The following ALPL variants were observed in gnomAD, a reference collection of about 807,000 sequenced individuals.
ALPL encodes the protein alkaline phosphatase, tissue-nonspecific isozyme.
Under a neutral mutation model 51.3 loss-of-function variants are expected in ALPL, and 42 were observed. The ratio of observed to expected loss-of-function variants is 0.82; its 90% CI spans 0.64 to 1.06. The LOEUF is 1.06. Ranked by LOEUF, ALPL falls within the 50% of genes least tolerant of loss-of-function variation. ALPL has a pLI of 0.00. For missense variants in ALPL, 589 were observed against 709.4 expected, an observed-to-expected ratio of 0.83 and a Z score of 1.93; for synonymous variants, 279 against 296.4, an observed-to-expected ratio of 0.94 and a Z score of 0.60.
chr1:21,568,004 C>A, intron 6 of ALPL, 100 bp from the exon 7 acceptor site: 2 of 1,541,344 alleles, frequency 1.3e-6, no homozygotes, highest in South Asian at 2.3e-5. Context: ...GTGTCCACAC[C>A]ATCTCCAGGG....
intron 2 of ALPL, among the ~76,000 whole-genome samples, chr1:21,555,888 A>G (rs533832795): frequency 6.6e-6 from 1 of 152,004 alleles, no homozygotes; most frequent in African/African-American, 2.4e-5. Context: ...CTCCTGCCTC[A>G]GCCTCCCAAG....
intron 1 of ALPL, among the ~76,000 whole-genome samples, chr1:21,514,457 A>G (rs1479401841): frequency 3.9e-5 from 6 of 152,176 alleles, no homozygotes. Context: ...CTCTGAACCC[A>G]CAGCTCTCTG....
chr1:21,576,043 G>A, intron 10 of ALPL, 119 bp downstream of exon 10: 1 of 1,257,892 alleles, frequency 7.9e-7, no homozygotes, highest in Non-Finnish European at 1.2e-6. Flanking sequence ...TGACAACTGG[G>A]TGGGGAGGAA....
chr1:21,534,577 C>CA (rs1234691292), intron 1 of ALPL, among the ~76,000 whole-genome samples: 1 of 152,152 alleles, frequency 6.6e-6, no homozygotes, highest in Admixed American at 6.5e-5. Context: ...GAGATAGGCC[C>CA]AGAGGGCAGC....
intron 4 of ALPL, among the ~76,000 whole-genome samples, chr1:21,562,405 A>G (rs936808569): frequency 2.0e-5 from 3 of 152,280 alleles, no homozygotes; most frequent in African/African-American, 7.2e-5. Context: ...GGCAGTGTGC[A>G]CTGCCGGGTA....
rs1003244723 is a variant in ALPL, at chr1:21,531,079, G to A, written c.-105+21562G>A. Among the ~76,000 whole-genome samples, 9 of 150,662 alleles carry A rather than the reference G, an allele frequency of 6.0e-5. No homozygotes were observed. The East Asian group carries it at 7.8e-4, about 13-fold the overall frequency. On this transcript the variant is annotated intron_variant, in intron 1 of 11. Transcript: ENST00000374840. ...AGCAATTCTCGTGCCTCAGCCTCCC[G>A]AGTAGCTGGGATTACAGGCACCCAC...
chr1:21,559,914 T>C (rs183436078), intron 2 of ALPL, among the ~76,000 whole-genome samples: 18 of 152,270 alleles, frequency 1.2e-4, no homozygotes, highest in Non-Finnish European at 1.5e-5. Flanking sequence ...GAAAGAAGTG[T>C]TCTTAGTTCT....
chr1:21,523,580 C>T (rs77344587), intron 1 of ALPL, among the ~76,000 whole-genome samples: 156 of 152,320 alleles, frequency 1.0e-3, no homozygotes, highest in African/African-American at 3.7e-3. Context: ...TCCCCTATGT[C>T]ACACCCTGAG....
chr1:21,554,673 G>A lies in ALPL; in HGVS notation c.61+531G>A, dbSNP rs540018639. On this transcript the variant is annotated intron_variant, in intron 2 of 11. Coordinates refer to ENST00000374840, the MANE Select transcript of ALPL (RefSeq NM_000478.6). ...GCCAGGCTAATTTTTTGTATTTTTA[G>A]TAGAGATGGGGTTTCACCGTGTTAG... Among the ~76,000 whole-genome samples the A allele has an allele frequency of 7.9e-5, 12 of 151,032 alleles. No individual in the cohort carries two copies. The South Asian group carries it at 2.5e-3, about 32-fold the overall frequency.
chr1:21,554,439 C>T (rs912792667), intron 2 of ALPL, among the ~76,000 whole-genome samples: 1 of 145,846 alleles, frequency 6.9e-6, no homozygotes. Flanking sequence ...ATATATATTT[C>T]ATATATATAT....
At chr1:21,561,666 C>CTTTTTTTTTTT (rs11296484) in intron 4 of ALPL, among the ~76,000 whole-genome samples, 1 of 112,412 alleles carries the variant, frequency 8.9e-6, no homozygotes, top group African/African-American at 3.4e-5. Flanking sequence ...CTATATATGC[C>CTTTTTTTTTTT]TTTTTTTTTT....
chr1:21,575,701 C>A, intron 9 of ALPL, 32 bp from the exon 10 acceptor site: 1 of 1,612,998 alleles, frequency 6.2e-7, no homozygotes, highest in Non-Finnish European at 8.5e-7. Context: ...TCCCCTCCTC[C>A]CTCACCGAGG....
intron 1 of ALPL, among the ~76,000 whole-genome samples, chr1:21,514,481 G>A (rs1267654022): frequency 1.3e-5 from 2 of 152,158 alleles, no homozygotes; most frequent in Non-Finnish European, 2.9e-5. Context: ...CACCCCCTTT[G>A]CTGGGAGCCA....
chr1:21,573,865 G>T, intron 9 of ALPL, 66 bp downstream of exon 9: 1 of 1,610,118 alleles, frequency 6.2e-7, no homozygotes, highest in South Asian at 1.1e-5. Context: ...GGATGGAGAA[G>T]TCCAGCTCTT....
At chr1:21,535,078 G>A (rs903817857) in intron 1 of ALPL, among the ~76,000 whole-genome samples, 4 of 152,184 alleles carry the variant, frequency 2.6e-5, no homozygotes, top group African/African-American at 9.7e-5. Context: ...CTGGCATATT[G>A]TGGCTGCTCA....
chr1:21,520,118 T>G (rs190211303), intron 1 of ALPL, among the ~76,000 whole-genome samples: 11 of 152,142 alleles, frequency 7.2e-5, no homozygotes, highest in East Asian at 5.8e-4. Flanking sequence ...TCAGGTTTTT[T>G]TTGTTGTTGT....
rs533964364 is a variant in ALPL at position 21,515,923 on chromosome 1, G to A, written c.-105+6406G>A. ...TCTAGTGGCTCTGTTGCCCAGGCTG[G>A]AGTGCAGTGGCACGATCATGGCTCA... On this transcript the variant is annotated intron_variant, in intron 1 of 11. Transcript: ENST00000374840. Among the ~76,000 whole-genome samples the A allele has an allele frequency of 3.9e-5, 6 of 152,184 alleles. No homozygotes were observed. The East Asian group carries it at 9.7e-4, about 25-fold the overall frequency.
chr1:21,576,269 G>A (rs1243330734), intron 10 of ALPL, among the ~76,000 whole-genome samples: 1 of 21,620 alleles, frequency 4.6e-5, no homozygotes, highest in Non-Finnish European at 1.2e-4. Flanking sequence ...ATGGATGGAT[G>A]GGTGGATGGA....
chr1:21,532,920 G>A (rs1361683523), intron 1 of ALPL, among the ~76,000 whole-genome samples: 1 of 152,206 alleles, frequency 6.6e-6, no homozygotes, highest in African/African-American at 2.4e-5. Context: ...GGCAGGTCAT[G>A]CTACCTCTCT....
Sources: gnomAD v4.1 joint callset for allele counts (sites outside exome capture counted in the v4.1 genomes callset) on GRCh38, gnomAD v4.1.1 for gene constraint, MANE v1.5 for transcripts, NCBI Gene and HGNC (gene_info 2026-07-23, HGNC 2026-07-21) for gene names.